EEFSEC: variants seen among roughly 807,000 people sequenced by gnomAD.
EEFSEC encodes selenocysteine-specific elongation factor.
A neutral mutation model predicts 42.1 loss-of-function variants in EEFSEC; 43 were observed. The observed-to-expected ratio is 1.02, with a 90% CI of 0.80 to 1.32. The LOEUF (loss-of-function observed/expected upper bound fraction) is 1.32. Ranked by LOEUF, EEFSEC falls within the 40% of genes most tolerant of loss-of-function variation. The probability of loss-of-function intolerance (pLI) is 0.00; values close to 1 mark genes in which losing one functional copy is unlikely to be tolerated. For synonymous variants in EEFSEC, 354 were observed against 339.1 expected (o/e 1.04, Z -0.48); for missense variants, 745 against 803.6 (o/e 0.93, Z 0.88).
At chr3:128,400,020 G>GT (rs560645555) in intron 6 of EEFSEC, among the ~76,000 whole-genome samples, 4 of 152,070 alleles carry the variant, frequency 2.6e-5, no homozygotes, top group Admixed American at 1.3e-4. Context: ...GCCTCCATGC[G>GT]TTTCAGACAT....
intron 4 of EEFSEC, among the ~76,000 whole-genome samples, chr3:128,337,355 T>C (rs1436017469): frequency 6.6e-6 from 1 of 152,220 alleles, no homozygotes; most frequent in Non-Finnish European, 1.5e-5. Flanking sequence ...AGGCATTCTT[T>C]ATGATTTCAG....
chr3:128,168,816 G>A (rs548758378), intron 1 of EEFSEC, among the ~76,000 whole-genome samples: 1 of 152,350 alleles, frequency 6.6e-6, no homozygotes, highest in East Asian at 1.9e-4. Flanking sequence ...GTTGAGAGTT[G>A]TTTGAACATC....
intron 1 of EEFSEC, among the ~76,000 whole-genome samples, chr3:128,160,806 G>GCGCA (rs562450801): frequency 1.3e-5 from 2 of 149,596 alleles, no homozygotes; most frequent in African/African-American, 4.9e-5. Flanking sequence ...ACACACGCGC[G>GCGCA]CACACACACA....
At chr3:128,356,938 C>T (rs2067462306) in intron 5 of EEFSEC, among the ~76,000 whole-genome samples, 2 of 152,268 alleles carry the variant, frequency 1.3e-5, no homozygotes, top group South Asian at 4.1e-4. Flanking sequence ...TCATTGTCAG[C>T]TTTTGCTGCT....
At chr3:128,329,489 G>T (rs184852484) in intron 4 of EEFSEC, among the ~76,000 whole-genome samples, 23 of 152,052 alleles carry the variant, frequency 1.5e-4, no homozygotes, top group Non-Finnish European at 3.2e-4. Context: ...AGCAAGTATC[G>T]GAGATAAAGT....
intron 1 of EEFSEC, among the ~76,000 whole-genome samples, chr3:128,226,932 A>T (rs1047234642): frequency 6.6e-6 from 1 of 152,186 alleles, no homozygotes; most frequent in Non-Finnish European, 1.5e-5. Flanking sequence ...AGGAGAGCCC[A>T]CTAAGGTGGG....
chr3:128,209,870 A>C (rs1374878357), intron 1 of EEFSEC, among the ~76,000 whole-genome samples: 1 of 152,222 alleles, frequency 6.6e-6, no homozygotes, highest in Non-Finnish European at 1.5e-5. Flanking sequence ...CAATCAAAGA[A>C]ATGGACAGAT....
chr3:128,302,416 T>TG (rs1181648478), intron 4 of EEFSEC, among the ~76,000 whole-genome samples: 1 of 152,198 alleles, frequency 6.6e-6, no homozygotes, highest in Non-Finnish European at 1.5e-5. Context: ...TAGGAGAGGT[T>TG]GATCCTGCAG....
chr3:128,390,894 G>A (rs2067904631), intron 6 of EEFSEC, among the ~76,000 whole-genome samples: 2 of 152,230 alleles, frequency 1.3e-5, no homozygotes, highest in African/African-American at 4.8e-5. Flanking sequence ...CAGGCTGGGT[G>A]TTCTTCCCTC....
At chr3:128,274,066 G>A (rs1207177683) in intron 4 of EEFSEC, among the ~76,000 whole-genome samples, 1 of 152,190 alleles carries the variant, frequency 6.6e-6, no homozygotes, top group Non-Finnish European at 1.5e-5. Flanking sequence ...AGGCCAGGTG[G>A]ATGTCTTAGG....
intron 6 of EEFSEC, among the ~76,000 whole-genome samples, chr3:128,372,941 G>T (rs2067671026): frequency 6.6e-6 from 1 of 152,218 alleles, no homozygotes; most frequent in African/African-American, 2.4e-5. Flanking sequence ...TCACTTCCAT[G>T]AAACCTCTGA....
chr3:128,223,101 C>T (rs1362019173), intron 1 of EEFSEC, among the ~76,000 whole-genome samples: 1 of 152,188 alleles, frequency 6.6e-6, no homozygotes, highest in Non-Finnish European at 1.5e-5. Context: ...ATCAGTCATA[C>T]CTATGTAATG....
At chr3:128,171,071 G>A (rs1275712392) in intron 1 of EEFSEC, among the ~76,000 whole-genome samples, 7 of 152,184 alleles carry the variant, frequency 4.6e-5, no homozygotes, top group Admixed American at 2.0e-4. Context: ...TCCACAGGGC[G>A]GTGGGGTGGA....
intron 1 of EEFSEC, among the ~76,000 whole-genome samples, chr3:128,234,846 C>G (rs1026750653): frequency 6.6e-6 from 1 of 152,140 alleles, no homozygotes; most frequent in Non-Finnish European, 1.5e-5. Context: ...TTCTTTAAGT[C>G]CTTCTGATGA....
intron 6 of EEFSEC, among the ~76,000 whole-genome samples, chr3:128,402,349 T>TA (rs1456293078): frequency 6.6e-6 from 1 of 152,266 alleles, no homozygotes; most frequent in African/African-American, 2.4e-5. Flanking sequence ...TGTGTAACTT[T>TA]AAACTCTTCT....
rs201911929 is a variant in EEFSEC, at chr3:128,295,451, C to CTTTTTTTTTTT, written c.786+30683_786+30693dup. Reference sequence around the variant, plus strand: ...AGGCATTTTTCTGTACTTCCCCCTACTTTTTTTTTTTTTTTTTTTTTTTGC... The same window carrying CTTTTTTTTTTT: ...AGGCATTTTTCTGTACTTCCCCCTACTTTTTTTTTTTTTTTTTTTTTTTTTTTTTTTTTTGC... On this transcript the variant is annotated intron_variant, in intron 4 of 6. Coordinates refer to ENST00000254730, the MANE Select transcript of EEFSEC (RefSeq NM_021937.5). 1.8e-3 allele frequency among the ~76,000 whole-genome samples: 112 copies of CTTTTTTTTTTT among 63,998 alleles called. 6 individuals are homozygous for CTTTTTTTTTTT. Among genetic ancestry groups the CTTTTTTTTTTT allele is most frequent in the Admixed American group, 2.5e-3 (10 of 3,938 alleles). 42.0% of individuals were successfully genotyped at this position (63,998 alleles called of 152,430 possible). A position where few individuals can be genotyped will look rare whatever the true frequency, so the allele number is the denominator to read the frequency against.
intron 5 of EEFSEC, among the ~76,000 whole-genome samples, chr3:128,350,509 T>TC: frequency 6.6e-6 from 1 of 152,344 alleles, no homozygotes; most frequent in Non-Finnish European, 1.5e-5. Context: ...AGAAGCTCTT[T>TC]CCCCAGGGAG....
chr3:128,183,386 T>G (rs984468744), intron 1 of EEFSEC, among the ~76,000 whole-genome samples: 2 of 152,204 alleles, frequency 1.3e-5, no homozygotes, highest in African/African-American at 2.4e-5. Flanking sequence ...TCTTGACCAC[T>G]AGGCTATGCT....
At chr3:128,296,358 A>C (rs2066706105) in intron 4 of EEFSEC, among the ~76,000 whole-genome samples, 1 of 152,084 alleles carries the variant, frequency 6.6e-6, no homozygotes, top group African/African-American at 2.4e-5. Flanking sequence ...ACACAGTCCA[A>C]TGCCACTCTG....
Sources: allele counts gnomAD v4.1 joint callset (sites outside exome capture counted in the v4.1 genomes callset), GRCh38; gene constraint gnomAD v4.1.1; transcripts MANE v1.5; gene names NCBI Gene and HGNC (gene_info 2026-07-23, HGNC 2026-07-21).